Variants in PICALM observed in about 807,000 individuals in gnomAD.
PICALM encodes phosphatidylinositol-binding clathrin assembly protein.
In PICALM, 40 loss-of-function variants were observed where a neutral mutation model predicts 80.5. That is an observed-to-expected ratio of 0.50 (90% CI 0.39 to 0.65). PICALM has a LOEUF of 0.65. Among genes scored for constraint, PICALM ranks in the 30% least tolerant of loss-of-function variants. PICALM has a pLI of 0.00. For missense variants in PICALM, 676 were observed against 778.9 expected (o/e 0.87, Z 1.57); for synonymous variants, 288 against 260.3 (o/e 1.11, Z -1.02).
intron 1 of PICALM, among the ~76,000 whole-genome samples, chr11:86,059,558 T>C (rs2096323949): frequency 6.6e-6 from 1 of 152,108 alleles, no homozygotes; most frequent in Non-Finnish European, 1.5e-5. Flanking sequence ...CCCAGCACTT[T>C]GGGAGGCCAA....
chr11:85,967,885 C>T (rs1221321868), intron 19 of PICALM, among the ~76,000 whole-genome samples: 1 of 152,222 alleles, frequency 6.6e-6, no homozygotes, highest in African/African-American at 2.4e-5. Context: ...AACAAGCCAT[C>T]ATTTCCTTTC....
chr11:86,067,943 A>C (rs1289013025), intron 1 of PICALM, among the ~76,000 whole-genome samples: 1 of 152,226 alleles, frequency 6.6e-6, no homozygotes, highest in East Asian at 1.9e-4. Flanking sequence ...TCCCTACACC[A>C]AATTGAATCC....
At chr11:86,069,225 T>C (rs1030902017), upstream of PICALM, 22 of 181,964 alleles carry the variant, frequency 1.2e-4, no homozygotes, top group Middle Eastern at 2.1e-3. Flanking sequence ...AGGGAAGAGC[T>C]GGGCGGCGCC....
rs756684723 is a variant in PICALM, at chr11:85,996,908, A to G, written c.1176T>C (p.Asp392=). 2 of 1,612,130 alleles carry G rather than the reference A, an allele frequency of 1.2e-6. No homozygotes were observed. The highest frequency in any genetic ancestry group is 3.3e-5 in the Admixed American group (2 of 59,832). The change falls in exon 12 of 20, where the codon GAT becomes GAC. Residue 392 remains aspartate, a synonymous_variant. Coordinates refer to ENST00000393346, the MANE Select transcript of PICALM (RefSeq NM_007166.4). ...SSNSTSKLPN[D]LLDLQQPTFH... is the part of the protein sequence containing the mutation. ...AAGTTGGCTGCTGCAAATCAAGCAG[A>G]TCATTGGGCAGCTTTGATGTGCTAG...
chr11:85,970,920 G>C (rs78448597), intron 19 of PICALM, among the ~76,000 whole-genome samples: 5,617 of 152,298 alleles, frequency 0.037, 156 homozygotes, highest in Non-Finnish European at 0.055. Context: ...GGGAGGCAGA[G>C]AACATGAGTG....
chr11:86,042,431 A>G (rs1008201680), intron 1 of PICALM, among the ~76,000 whole-genome samples: 3 of 148,036 alleles, frequency 2.0e-5, no homozygotes, highest in Non-Finnish European at 4.6e-5. Flanking sequence ...AAACAAACTG[A>G]AAGTATTACA....
At chr11:86,020,706 C>T (rs956727886) in intron 4 of PICALM, among the ~76,000 whole-genome samples, 4 of 152,098 alleles carry the variant, frequency 2.6e-5, no homozygotes, top group African/African-American at 7.2e-5. Flanking sequence ...TTGGACTCAC[C>T]TCTCACACCA....
intron 1 of PICALM, among the ~76,000 whole-genome samples, chr11:86,050,131 G>A (rs141026155): frequency 1.6e-3 from 242 of 151,096 alleles, no homozygotes; most frequent in African/African-American, 5.5e-3. Context: ...CTTGAACCCA[G>A]GAGGCGGAGG....
At chr11:86,066,353 A>G (rs1441045516) in intron 1 of PICALM, among the ~76,000 whole-genome samples, 1 of 152,238 alleles carries the variant, frequency 6.6e-6, no homozygotes, top group Admixed American at 6.5e-5. Flanking sequence ...ACAGAAGCAC[A>G]TTAACGACAC....
rs1400704556 is a variant in PICALM at position 85,958,671 on chromosome 11, G to A, written c.*375C>T. 1 of 250,672 alleles carries A rather than the reference G, an allele frequency of 4.0e-6. No individual in the cohort carries two copies. Among genetic ancestry groups the A allele is most frequent in the Non-Finnish European group, 7.7e-6 (1 of 130,684 alleles). 15.5% of individuals were successfully genotyped at this position (250,672 alleles called of 1,614,324 possible). On this transcript the variant is annotated 3_prime_UTR_variant, in exon 20 of 20. Transcript: ENST00000393346. The stretch of plus-strand genomic sequence containing the variant: ...CCCAAAAGAGTCCTGTTGAAATACA[G>A]TAAAGGACACAGTTCTTCTCTCCAG...
intron 1 of PICALM, among the ~76,000 whole-genome samples, chr11:86,060,808 A>C (rs1182856728): frequency 1.3e-5 from 2 of 152,116 alleles, no homozygotes; most frequent in African/African-American, 2.4e-5. Flanking sequence ...TCACAGACCT[A>C]AATGTAAAAT....
At chr11:86,007,955 C>CAA (rs564488814) in intron 7 of PICALM, among the ~76,000 whole-genome samples, 45 of 128,616 alleles carry the variant, frequency 3.5e-4, no homozygotes, top group Non-Finnish European at 6.2e-4. Context: ...CTCTTTGATG[C>CAA]AAAAAAAAAA....
chr11:85,977,523 A>T (rs891998479), intron 17 of PICALM, among the ~76,000 whole-genome samples: 1 of 152,260 alleles, frequency 6.6e-6, no homozygotes, highest in African/African-American at 2.4e-5. Flanking sequence ...CTGCTAAAAC[A>T]TAAAATAACT....
chr11:86,052,961 T>C (rs1245904642), intron 1 of PICALM, among the ~76,000 whole-genome samples: 1 of 152,228 alleles, frequency 6.6e-6, no homozygotes, highest in Non-Finnish European at 1.5e-5. Context: ...CTGAAATGCC[T>C]AGTGTTCCTA....
intron 13 of PICALM, among the ~76,000 whole-genome samples, chr11:85,986,744 T>C (rs1189286920): frequency 2.0e-5 from 3 of 152,220 alleles, no homozygotes; most frequent in Non-Finnish European, 2.9e-5. Flanking sequence ...CCAGCTAGTA[T>C]CACTATTCTA....
intron 11 of PICALM, among the ~76,000 whole-genome samples, chr11:85,997,614 G>A (rs1166177313): frequency 6.6e-6 from 1 of 152,188 alleles, no homozygotes; most frequent in Non-Finnish European, 1.5e-5. Context: ...GGGACTACAG[G>A]TGCGCAGCAC....
intron 1 of PICALM, among the ~76,000 whole-genome samples, chr11:86,045,794 T>C (rs1240521085): frequency 6.6e-6 from 1 of 152,154 alleles, no homozygotes; most frequent in Non-Finnish European, 1.5e-5. Flanking sequence ...ACATTTTAAG[T>C]GGTCTAGACA....
intron 19 of PICALM, chr11:85,974,406 A>G (rs1025012115): frequency 5.6e-6 from 3 of 539,558 alleles, no homozygotes; most frequent in East Asian, 4.9e-5. Flanking sequence ...CACAAAGGAT[A>G]CTACACCAGA....
intron 1 of PICALM, among the ~76,000 whole-genome samples, chr11:86,038,965 C>T (rs2095896035): frequency 6.6e-6 from 1 of 151,682 alleles, no homozygotes; most frequent in Admixed American, 6.6e-5. Flanking sequence ...CAAAAATTAG[C>T]TGGACGTGGT....
Sources: allele counts gnomAD v4.1 joint callset (sites outside exome capture counted in the v4.1 genomes callset), GRCh38; gene constraint gnomAD v4.1.1; transcripts MANE v1.5; gene names NCBI Gene and HGNC (gene_info 2026-07-23, HGNC 2026-07-21).